Variants in KLF12 observed in about 807,000 individuals in gnomAD.
The protein encoded by KLF12 is Krueppel-like factor 12.
KLF12 carries 9 observed loss-of-function variants against 37.8 expected under a neutral mutation model. The observed-to-expected ratio is 0.24, with a 90% confidence interval of 0.14 to 0.42. The LOEUF (loss-of-function observed/expected upper bound fraction) is 0.42. Ranked by LOEUF, KLF12 falls within the 10% of genes least tolerant of loss-of-function variation. KLF12 has a pLI of 1.00. For synonymous variants in KLF12, 208 were observed against 202.1 expected, an observed-to-expected ratio of 1.03 and a Z score of -0.25; for missense variants, 411 against 516.0, an observed-to-expected ratio of 0.80 and a Z score of 1.97.
intron 2 of KLF12, among the ~76,000 whole-genome samples, chr13:73,956,222 T>C (rs1890825858): frequency 1.3e-5 from 2 of 152,166 alleles, no homozygotes; most frequent in Non-Finnish European, 2.9e-5. Flanking sequence ...ATAGAAACAG[T>C]ATAATTTTGA....
intron 4 of KLF12, among the ~76,000 whole-genome samples, chr13:73,818,580 G>T (rs947961873): frequency 4.6e-5 from 7 of 152,222 alleles, no homozygotes; most frequent in African/African-American, 1.7e-4. Flanking sequence ...AAGTAAACTT[G>T]CCTATGCACC....
At chr13:74,219,314 C>A in the KLF12 span, among the ~76,000 whole-genome samples, 1 of 152,120 alleles carries the variant, frequency 6.6e-6, no homozygotes, top group Non-Finnish European at 1.5e-5. Context: ...CCATGAGATG[C>A]TTTTTACTTT....
rs147439734 is a variant in KLF12 at position 73,763,029 on chromosome 13, C to T, written c.869+1909G>A. Among the ~76,000 whole-genome samples, 504 of 152,286 alleles carry T rather than the reference C, an allele frequency of 3.3e-3. 7 individuals are homozygous for T. Among genetic ancestry groups the T allele is most frequent in the African/African-American group, 0.012 (488 of 41,578 alleles). ...TCTCCAGGTCTTTCTATGCGTGCAT[C>T]AATCTATAAAGGAAACACTAGCTCA... On this transcript the variant is annotated intron_variant, in intron 6 of 7. Transcript: ENST00000377669.
At chr13:74,072,360 T>TA (rs1195177139) in intron 1 of KLF12, among the ~76,000 whole-genome samples, 1 of 91,912 alleles carries the variant, frequency 1.1e-5, no homozygotes, top group African/African-American at 3.9e-5. Flanking sequence ...AATTAAGAAA[T>TA]ACAAATATAT....
the KLF12 span, among the ~76,000 whole-genome samples, chr13:74,206,541 C>A: frequency 6.6e-6 from 1 of 152,092 alleles, no homozygotes. Flanking sequence ...TCCCATCCAC[C>A]CCCAGGAAAT....
intron 5 of KLF12, among the ~76,000 whole-genome samples, chr13:73,770,683 T>C (rs1400835289): frequency 6.6e-6 from 1 of 151,792 alleles, no homozygotes; most frequent in Non-Finnish European, 1.5e-5. Context: ...CCACCTGTAA[T>C]GGCTAATTTT....
chr13:73,919,270 G>A (rs976077553), intron 3 of KLF12, among the ~76,000 whole-genome samples: 1 of 152,126 alleles, frequency 6.6e-6, no homozygotes, highest in African/African-American at 2.4e-5. Context: ...TCCTAGAATG[G>A]TTATCCATAA....
intron 1 of KLF12, among the ~76,000 whole-genome samples, chr13:74,018,490 T>G (rs1380709636): frequency 1.3e-5 from 2 of 152,254 alleles, no homozygotes; most frequent in Non-Finnish European, 2.9e-5. Context: ...ATGCATTTGT[T>G]AATTAGCTAG....
At chr13:73,790,598 T>C (rs1212176355) in intron 5 of KLF12, among the ~76,000 whole-genome samples, 1 of 152,264 alleles carries the variant, frequency 6.6e-6, no homozygotes, top group Admixed American at 6.5e-5. Context: ...TGTTGCATTC[T>C]ATCTGCTGCA....
the KLF12 span, among the ~76,000 whole-genome samples, chr13:74,175,618 A>G: frequency 6.6e-6 from 1 of 152,210 alleles, no homozygotes; most frequent in Non-Finnish European, 1.5e-5. Context: ...AGCTTGAGCC[A>G]TCATTAAGAG....
At chr13:74,109,421 G>C (rs980489662) in intron 1 of KLF12, among the ~76,000 whole-genome samples, 4 of 151,682 alleles carry the variant, frequency 2.6e-5, no homozygotes, top group Non-Finnish European at 4.4e-5. Context: ...AAAGCTAACA[G>C]ATATATAAGG....
the KLF12 span, among the ~76,000 whole-genome samples, chr13:74,155,719 A>C: frequency 6.6e-6 from 1 of 152,208 alleles, no homozygotes; most frequent in Non-Finnish European, 1.5e-5. Flanking sequence ...AAGATAACTT[A>C]GTTCCTTATA....
chr13:74,191,099 A>C, the KLF12 span, among the ~76,000 whole-genome samples: 2 of 152,250 alleles, frequency 1.3e-5, no homozygotes, highest in Non-Finnish European at 2.9e-5. Context: ...AAGCCAGGTC[A>C]GCAATCATTT....
chr13:74,051,341 A>AC (rs1872911332), intron 1 of KLF12, among the ~76,000 whole-genome samples: 42 of 143,688 alleles, frequency 2.9e-4, no homozygotes, highest in Non-Finnish European at 4.8e-4. Context: ...TACACACACA[A>AC]ACACACACAC....
chr13:74,208,562 T>C, the KLF12 span, among the ~76,000 whole-genome samples: 1 of 152,204 alleles, frequency 6.6e-6, no homozygotes, highest in East Asian at 1.9e-4. Context: ...TGAGTGTCCT[T>C]AGATTCCAAA....
At chr13:73,866,877 G>A (rs1886200645) in intron 3 of KLF12, among the ~76,000 whole-genome samples, 1 of 148,152 alleles carries the variant, frequency 6.7e-6, no homozygotes, top group Non-Finnish European at 1.5e-5. Flanking sequence ...TTAAAATGTG[G>A]GGCAAAAAGG....
Position 74,124,219 on chromosome 13 carries a change from G to A in KLF12, c.-32+9520C>T, listed in dbSNP as rs189832880. On this transcript the variant is annotated intron_variant, in intron 1 of 7. Coordinates refer to ENST00000377669, the MANE Select transcript of KLF12 (RefSeq NM_007249.5). ...AATGAAATATTTTGTGTTTGCTAAA[G>A]TTACTTGTATTCATATCTAAAGCAG... is the stretch of plus-strand genomic sequence containing the variant. 3.0e-3 allele frequency among the ~76,000 whole-genome samples: 449 copies of A among 152,172 alleles called. 1 individual carries two copies. Among genetic ancestry groups the A allele is most frequent in the African/African-American group, 0.011 (439 of 41,546 alleles).
At chr13:74,011,100 T>C (rs1536026) in intron 1 of KLF12, among the ~76,000 whole-genome samples, 147,959 of 152,222 alleles carry the variant, frequency 0.97, 72,055 homozygotes, top group East Asian at 1. Flanking sequence ...GAAATCTATA[T>C]CTTGATCCTT....
intron 6 of KLF12, among the ~76,000 whole-genome samples, chr13:73,747,965 G>T (rs1183321217): frequency 6.6e-6 from 1 of 152,208 alleles, no homozygotes; most frequent in African/African-American, 2.4e-5. Context: ...AAAAGCTTAA[G>T]AATGTAAAAT....
Sources: gnomAD v4.1 joint callset for allele counts (sites outside exome capture counted in the v4.1 genomes callset) on GRCh38, gnomAD v4.1.1 for gene constraint, MANE v1.5 for transcripts, NCBI Gene and HGNC (gene_info 2026-07-23, HGNC 2026-07-21) for gene names.